The following ITPR3 variants were observed in gnomAD, a reference collection of about 807,000 sequenced individuals.
ITPR3 encodes inositol 1,4,5-trisphosphate receptor type 3.
In ITPR3, 173 loss-of-function variants were observed where a neutral mutation model predicts 293.2. That is an observed-to-expected ratio of 0.59 (90% CI 0.52 to 0.67). The LOEUF is 0.67. ITPR3 is among the 30% of genes least tolerant of loss of function. The pLI is 0.00. For synonymous variants in ITPR3, 1,295 were observed against 1,444.4 expected (o/e 0.90, Z 2.35); for missense variants, 2,796 against 3,592.1 (o/e 0.78, Z 5.66).
rs1366493522 is a variant in ITPR3, at chr6:33,674,222, C to G, written c.3073C>G (p.Leu1025Val). The G allele has an allele frequency of 1.2e-6, 2 of 1,614,136 alleles. No individual in the cohort carries two copies. Among genetic ancestry groups the G allele is most frequent in the Non-Finnish European group, 1.7e-6 (2 of 1,180,002 alleles). Residue 1025 changes from leucine to valine, a missense_variant, in exon 24 of 58, where the codon CTG (leucine) becomes GTG (valine). Physicochemically the swap from Leu to Val is conservative, Grantham distance 32. Transcript: ENST00000605930. Reference protein sequence around the residue: ...AFDSTTANMNLDRIGEQAEAM... With the variant: ...AFDSTTANMNVDRIGEQAEAM... ...TCTCCCCACAGCTGCCAACATGAACCTGGATCGCATCGGGGAGCAGGCGGA... is the reference window on the plus strand; with the variant it reads ...TCTCCCCACAGCTGCCAACATGAACGTGGATCGCATCGGGGAGCAGGCGGA...
At position 33,672,084 on chromosome 6, in the gene ITPR3, G is replaced by A. The variant is rs759267027; in HGVS notation, c.2784G>A (p.Val928=). ...TGGGGCACATGATGTCCACCATGGT[G>A]CTGAGCCGCAAGCAGTCCGTCTTCA... ...QGVGHMMSTM[V]LSRKQSVFSA... The change falls in exon 22 of 58, where the codon GTG becomes GTA. Residue 928 remains valine (V), a synonymous_variant. Coordinates refer to ENST00000605930, the MANE Select transcript of ITPR3 (RefSeq NM_002224.4). This position sits in a 1 kb window ranked among gnomAD's most constrained non-coding sequence, Gnocchi z 5.0. 3 of 1,613,768 alleles carry A rather than the reference G, an allele frequency of 1.9e-6. No homozygotes were observed. In the Admixed American group the frequency reaches 5.0e-5, roughly 27 times the overall value.
chr6:33,659,167 C>T (rs1019039065), intron 6 of ITPR3, 48 bp downstream of exon 6: 2 of 1,538,260 alleles, frequency 1.3e-6, no homozygotes, highest in Non-Finnish European at 1.8e-6. Flanking sequence ...GTCCACACAC[C>T]CCTGGTGGTG....
intron 2 of ITPR3, among the ~76,000 whole-genome samples, chr6:33,652,036 C>G (rs370754772): frequency 6.6e-6 from 1 of 152,222 alleles, no homozygotes; most frequent in East Asian, 1.9e-4. Flanking sequence ...GCTGACAATC[C>G]CCAGGACCTG....
Position 33,683,211 on chromosome 6 carries a change from G to A in ITPR3, c.4602G>A (p.Lys1534=). ...ACTCCCTCCCTTCCCACCCAGCCAA[G>A]GGCCGGGCCATCTTGCTGCCCATGG... ...ACIRTLAMVA[K]GRAILLPMDL... The change falls in exon 35 of 58, where the codon AAG becomes AAA. Residue 1534 remains lysine (K), a synonymous_variant. Coordinates refer to ENST00000605930, the MANE Select transcript of ITPR3 (RefSeq NM_002224.4). The surrounding 1 kb of genome is among the most constrained non-coding windows in gnomAD (Gnocchi z 4.5). 6.6e-7 allele frequency: 1 copy of A among 1,522,602 alleles called. No homozygotes were observed. The highest frequency in any genetic ancestry group is 8.9e-7 in the Non-Finnish European group (1 of 1,126,008). 94.3% of individuals were successfully genotyped at this position (1,522,602 alleles called of 1,614,324 possible). A position where few individuals can be genotyped will look rare whatever the true frequency, so the allele number is the denominator to read the frequency against.
At chr6:33,641,292 G>A (rs1364948384) in intron 2 of ITPR3, among the ~76,000 whole-genome samples, 1 of 152,206 alleles carries the variant, frequency 6.6e-6, no homozygotes, top group East Asian at 1.9e-4. Context: ...CAGGTCCTGG[G>A]CGTGTTGGGC....
At chr6:33,680,207 G>C (rs575140472) in intron 31 of ITPR3, 74 bp downstream of exon 31, 187 of 1,584,948 alleles carry the variant, frequency 1.2e-4, no homozygotes, top group Admixed American at 1.9e-4. Flanking sequence ...GACAGGAAGA[G>C]TGGGTGAAGC....
In ITPR3 at chr6:33,632,931, G is replaced by A. The variant is rs1212606779; in HGVS notation, c.90-7553G>A. 2.0e-5 allele frequency among the ~76,000 whole-genome samples: 3 copies of A among 152,230 alleles called. No individual in the cohort carries two copies. Among genetic ancestry groups the A allele is most frequent in the African/African-American group, 7.2e-5 (3 of 41,458 alleles). ...TCGTGGTGAGGTCTGTCGAGTAGAT[G>A]GAGGCCTGGGTTGTGTCTGTGCCAT... On this transcript the variant is annotated intron_variant, in intron 1 of 57. Coordinates refer to ENST00000605930, the MANE Select transcript of ITPR3 (RefSeq NM_002224.4). This position sits in a 1 kb window ranked among gnomAD's most constrained non-coding sequence, Gnocchi z 4.1.
In ITPR3 at chr6:33,675,712, G is replaced by C. The variant is rs1186924580; in HGVS notation, c.3138G>C (p.Glu1046Asp). 1 of 1,607,426 alleles carries C rather than the reference G, an allele frequency of 6.2e-7. No individual in the cohort carries two copies. The highest frequency in any genetic ancestry group is 8.5e-7 in the Non-Finnish European group (1 of 1,176,586). The stretch of plus-strand genomic sequence containing the variant: ...GCAGGAAGACAAGCAGCATGCTGGA[G>C]GTGGATGACGAGGGCGGCCGCATGT... ...FGVGKTSSML[E>D]VDDEGGRMFL... is the part of the protein sequence containing the mutation. Residue 1046 changes from glutamate (E) to aspartate (D), a missense_variant, in exon 25 of 58, where the codon GAG (glutamate) becomes GAC (aspartate). This residue lies in a region of ITPR3 where 955 missense variants were observed against 1,180.8 expected (regional missense o/e 0.81). Coordinates refer to ENST00000605930, the MANE Select transcript of ITPR3 (RefSeq NM_002224.4). The surrounding 1 kb of genome is among the most constrained non-coding windows in gnomAD (Gnocchi z 5.0).
Position 33,689,257 on chromosome 6 carries a change from C to A in ITPR3, c.6714C>A (p.Leu2238=). 1 of 1,610,796 alleles carries A rather than the reference C, an allele frequency of 6.2e-7. No individual in the cohort carries two copies. The change falls in exon 50 of 58, where the codon CTC becomes CTA. Residue 2238 remains leucine (L), a synonymous_variant. Transcript: ENST00000605930. ...CCCCAGGCGTGCTGGACTCCCCTCT[C>A]ATCTCATTGCTCTTCTGGATCCTCA... ...GASTGVLDSP[L]ISLLFWILIC...
At position 33,672,100 on chromosome 6, in the gene ITPR3, T is replaced by C. The variant is rs1435932617; in HGVS notation, c.2800T>C (p.Ser934Pro). 1 of 1,613,836 alleles carries C rather than the reference T, an allele frequency of 6.2e-7. No individual in the cohort carries two copies. The highest frequency in any genetic ancestry group is 8.5e-7 in the Non-Finnish European group (1 of 1,179,926). The change falls in exon 22 of 58, where the codon TCC becomes CCC. Residue 934 changes from serine (S) to proline (P), a missense_variant. Coordinates refer to ENST00000605930, the MANE Select transcript of ITPR3 (RefSeq NM_002224.4). The surrounding 1 kb of genome is among the most constrained non-coding windows in gnomAD (Gnocchi z 5.0). ...MSTMVLSRKQ[S>P]VFSAPSLSAG... ...CACCATGGTGCTGAGCCGCAAGCAG[T>C]CCGTCTTCAGTGCCCCCAGCCTGTC...
chr6:33,695,097 G>C lies in ITPR3; in HGVS notation c.7947+12G>C. On this transcript the variant is annotated intron_variant, in intron 57 of 57. Coordinates refer to ENST00000605930, the MANE Select transcript of ITPR3 (RefSeq NM_002224.4). ...AGCTCAAGGAGCAGGTGTGCACCCCGCCTGATCCCAGGCCCACCCTGGGTT... is the reference window on the plus strand; with the variant it reads ...AGCTCAAGGAGCAGGTGTGCACCCCCCCTGATCCCAGGCCCACCCTGGGTT... 6.2e-7 allele frequency: 1 copy of C among 1,612,298 alleles called. No homozygotes were observed. Among genetic ancestry groups the C allele is most frequent in the Non-Finnish European group, 8.5e-7 (1 of 1,179,278 alleles).
At position 33,682,252 on chromosome 6, in the gene ITPR3, A is replaced by T. The variant is rs77847037; in HGVS notation, c.4477-272A>T. Among the ~76,000 whole-genome samples the T allele has an allele frequency of 4.2e-3, 632 of 152,278 alleles. 16 individuals carry two copies. Among genetic ancestry groups the T allele is most frequent in the East Asian group, 0.034 (176 of 5,182 alleles). ...AAATCCATCACCTTTTTATGACATT[A>T]ATTTTTTTAAACATTTTTTAAAAGG... On this transcript the variant is annotated intron_variant, in intron 33 of 57. Coordinates refer to ENST00000605930, the MANE Select transcript of ITPR3 (RefSeq NM_002224.4). The surrounding 1 kb of genome is among the most constrained non-coding windows in gnomAD (Gnocchi z 5.4).
chr6:33,674,319 C>G lies in ITPR3; in HGVS notation c.3116+54C>G, dbSNP rs371282921. 9.0e-6 allele frequency: 14 copies of G among 1,562,340 alleles called. No homozygotes were observed. In the Admixed American group the frequency reaches 1.0e-4, roughly 11 times the overall value. On this transcript the variant is annotated intron_variant, in intron 24 of 57. Transcript: ENST00000605930. ...TGTGGGGTTGGGAGGCTCGACACCC[C>G]CTCTTGGTCTGGTCTGGGTTCCTGG...
At position 33,682,060 on chromosome 6, in the gene ITPR3, T is replaced by G. The variant is rs1468037230; in HGVS notation, c.4477-464T>G. 6.6e-6 allele frequency among the ~76,000 whole-genome samples: 1 copy of G among 152,098 alleles called. No individual in the cohort carries two copies. Among genetic ancestry groups the G allele is most frequent in the Non-Finnish European group, 1.5e-5 (1 of 68,022 alleles). ...CCACGCCCGGCTAATTTTTGTATTT[T>G]TAGTAGAGACAGGGTTTCACCATGT... On this transcript the variant is annotated intron_variant, in intron 33 of 57. Coordinates refer to ENST00000605930, the MANE Select transcript of ITPR3 (RefSeq NM_002224.4). This position sits in a 1 kb window ranked among gnomAD's most constrained non-coding sequence, Gnocchi z 5.4.
At chr6:33,685,291 T>C in intron 39 of ITPR3, 68 bp from the exon 40 acceptor site, 2 of 1,454,356 alleles carry the variant, frequency 1.4e-6, no homozygotes, top group Non-Finnish European at 1.9e-6. Flanking sequence ...GTGGTGTGCC[T>C]GCCCCACGCC....
At position 33,683,293 on chromosome 6, in the gene ITPR3, G is replaced by A. The variant is rs753166440; in HGVS notation, c.4684G>A (p.Ala1562Thr). The A allele has an allele frequency of 2.2e-5, 34 of 1,579,768 alleles. No individual in the cohort carries two copies. The highest frequency in any genetic ancestry group is 9.3e-5 in the South Asian group (8 of 86,190). Residue 1562 changes from alanine to threonine, a missense_variant, in exon 35 of 58, where the codon GCC becomes ACC. By Grantham distance (58) the Ala-to-Thr change is moderately conservative. Around this residue, in one of 8 missense-constraint regions of ITPR3, gnomAD observed 704 missense variants for 797.5 expected, o/e 0.88. Transcript: ENST00000605930. This position sits in a 1 kb window ranked among gnomAD's most constrained non-coding sequence, Gnocchi z 4.5. ...LSSGASCAAAAQRNASSYKAT... is the reference protein window; with the variant it reads ...LSSGASCAAATQRNASSYKAT... ...CAGTGGAGCCAGCTGTGCAGCTGCC[G>A]CCCAGCGGAACGCCTCCAGCTACAA... is the stretch of plus-strand genomic sequence containing the variant.
In ITPR3 at chr6:33,686,400, T is replaced by G. The variant is rs1765231950; in HGVS notation, c.5869-9T>G. Reference sequence around the variant, plus strand: ...CCTGGGCCCTGTGTCCCCCACTGCCTCCTGCCAGACTTGCATTGTGACTCA... The same window carrying G: ...CCTGGGCCCTGTGTCCCCCACTGCCGCCTGCCAGACTTGCATTGTGACTCA... On this transcript the variant is annotated splice_polypyrimidine_tract_variant and intron_variant, in intron 42 of 57. Transcript: ENST00000605930. The G allele has an allele frequency of 6.2e-7, 1 of 1,612,658 alleles. No individual in the cohort carries two copies. Among genetic ancestry groups the G allele is most frequent in the African/African-American group, 1.3e-5 (1 of 74,872 alleles).
rs988704599 is a variant in ITPR3, at chr6:33,683,970, A to G, written c.4789-50A>G. On this transcript the variant is annotated intron_variant, in intron 35 of 57. Coordinates refer to ENST00000605930, the MANE Select transcript of ITPR3 (RefSeq NM_002224.4). This position sits in a 1 kb window ranked among gnomAD's most constrained non-coding sequence, Gnocchi z 4.5. ...TTTGGGTCGGAGGAATGGCAGTCAC[A>G]CCCGGGTCATTTCTTGGGCCTGGCA... 2 of 1,549,094 alleles carry G rather than the reference A, an allele frequency of 1.3e-6. No individual in the cohort carries two copies. Among genetic ancestry groups the G allele is most frequent in the Admixed American group, 1.8e-5 (1 of 55,366 alleles).
Position 33,686,086 on chromosome 6 carries a change from T to C in ITPR3, c.5701T>C (p.Tyr1901His). The change falls in exon 42 of 58, where the codon TAC (tyrosine) becomes CAC (histidine). Residue 1901 changes from tyrosine to histidine, a missense_variant. Physicochemically the swap from Tyr to His is moderately conservative, Grantham distance 83 (BLOSUM62 2). Transcript: ENST00000605930. ...GCGCTGTCAGAACAACAAAACCAAC[T>C]ACAACTTGGTATGCGAGACGCTGCA... is the stretch of plus-strand genomic sequence containing the variant. Reference protein sequence around the residue: ...FLRCQNNKTNYNLVCETLQFL... With the variant: ...FLRCQNNKTNHNLVCETLQFL... 6.2e-7 allele frequency: 1 copy of C among 1,614,132 alleles called. No individual in the cohort carries two copies. Among genetic ancestry groups the C allele is most frequent in the South Asian group, 1.1e-5 (1 of 91,086 alleles).
Sources: allele counts gnomAD v4.1 joint callset (sites outside exome capture counted in the v4.1 genomes callset), GRCh38; gene constraint gnomAD v4.1.1; regional missense constraint gnomAD v4.1.1; non-coding constraint Gnocchi (gnomAD v3.1); transcripts MANE v1.5; gene names NCBI Gene and HGNC (gene_info 2026-07-23, HGNC 2026-07-21).